Variants in SMIM14 observed in about 807,000 individuals in gnomAD.
The protein encoded by SMIM14 is small integral membrane protein 14.
In SMIM14, 5 loss-of-function variants were observed where a neutral mutation model predicts 12.6. The ratio of observed to expected loss-of-function variants is 0.40; its 90% confidence interval spans 0.21 to 0.83. SMIM14 has a LOEUF of 0.83. SMIM14 is among the 40% of genes least tolerant of loss of function. The probability of loss-of-function intolerance (pLI) is 0.37; values close to 1 mark genes in which losing one functional copy is unlikely to be tolerated. For missense variants in SMIM14, 86 were observed against 119.1 expected (o/e 0.72, Z 1.29); for synonymous variants, 30 against 40.1 (o/e 0.75, Z 0.95).
chr4:39,638,532 C>T, intron 1 of SMIM14: 1 of 985,440 alleles, frequency 1.0e-6, no homozygotes, highest in Non-Finnish European at 1.2e-6. Flanking sequence ...CAATTGCAGG[C>T]TCTTCGCGGG....
chr4:39,589,991 C>A (rs1316489606), intron 2 of SMIM14, among the ~76,000 whole-genome samples: 1 of 140,142 alleles, frequency 7.1e-6, no homozygotes, highest in African/African-American at 2.7e-5. Context: ...CCACTGCACT[C>A]CAGCCTGGGC....
At chr4:39,631,113 C>G (rs1474615737) in intron 1 of SMIM14, among the ~76,000 whole-genome samples, 3 of 151,914 alleles carry the variant, frequency 2.0e-5, no homozygotes, top group African/African-American at 7.3e-5. Flanking sequence ...GGGCAGATCA[C>G]TTGAGGTCAG....
intron 3 of SMIM14, among the ~76,000 whole-genome samples, chr4:39,564,308 T>G (rs1019797335): frequency 6.6e-6 from 1 of 152,208 alleles, no homozygotes; most frequent in Non-Finnish European, 1.5e-5. Flanking sequence ...GTTTTCAAGC[T>G]GAGTCAAGGG....
At position 39,565,148 on chromosome 4, in the gene SMIM14, G is replaced by A. The variant is rs537769533; in HGVS notation, c.124+7267C>T. On this transcript the variant is annotated intron_variant, in intron 3 of 4. Transcript: ENST00000295958. ...TGGGAGGATTGCTTGAGCCCAAGGG[G>A]TTGAGGTTGCAGCAAGCCATGATTG... is the stretch of plus-strand genomic sequence containing the variant. Among the ~76,000 whole-genome samples, 24 of 152,318 alleles carry A rather than the reference G, an allele frequency of 1.6e-4. No homozygotes were observed. In the South Asian group the frequency reaches 4.8e-3, roughly 30 times the overall value.
At chr4:39,604,598 G>A (rs1474561152) in intron 2 of SMIM14, among the ~76,000 whole-genome samples, 1 of 151,544 alleles carries the variant, frequency 6.6e-6, no homozygotes, top group East Asian at 1.9e-4. Flanking sequence ...CATCTCTAAT[G>A]AAATAATTGC....
In SMIM14 at chr4:39,547,787, A is replaced by AAAG. The variant is rs1385929156; in HGVS notation, c.*4336_*4338dup. The AAAG allele has an allele frequency of 5.3e-5, 8 of 152,354 alleles. No homozygotes were observed. The highest frequency in any genetic ancestry group is 1.9e-4 in the African/African-American group (8 of 41,590). 9.4% of individuals were successfully genotyped at this position (152,354 alleles called of 1,614,324 possible). A position where few individuals can be genotyped will look rare whatever the true frequency, so the allele number is the denominator to read the frequency against. The stretch of plus-strand genomic sequence containing the variant: ...CACACCACATACCACAAAAACACTA[A>AAAG]AAGTAGCCATAGAATAGCTGTATTC... On this transcript the variant is annotated 3_prime_UTR_variant, in exon 5 of 5. Transcript: ENST00000295958.
intron 1 of SMIM14, among the ~76,000 whole-genome samples, chr4:39,635,946 G>A (rs1016559077): frequency 6.6e-6 from 1 of 151,970 alleles, no homozygotes; most frequent in African/African-American, 2.4e-5. Flanking sequence ...GCCAAGGTGG[G>A]CAGATCACTT....
chr4:39,613,083 A>G (rs1044162479), intron 1 of SMIM14, among the ~76,000 whole-genome samples: 6 of 152,202 alleles, frequency 3.9e-5, no homozygotes, highest in Admixed American at 2.0e-4. Flanking sequence ...TTTTTAATTC[A>G]TTAAATCAAC....
chr4:39,554,780 T>G (rs1437442856), intron 4 of SMIM14, among the ~76,000 whole-genome samples: 1 of 150,912 alleles, frequency 6.6e-6, no homozygotes, highest in African/African-American at 2.4e-5. Flanking sequence ...TTTTGAAATA[T>G]GTATACATTT....
At chr4:39,584,255 G>T (rs963302216) in intron 2 of SMIM14, among the ~76,000 whole-genome samples, 3 of 151,742 alleles carry the variant, frequency 2.0e-5, no homozygotes, top group Non-Finnish European at 4.4e-5. Context: ...GCCAAGGCAG[G>T]TGGATCAGTT....
chr4:39,594,004 T>A (rs1370828686), intron 2 of SMIM14: 1 of 152,048 alleles, frequency 6.6e-6, no homozygotes, highest in African/African-American at 2.4e-5. Context: ...TTCAATGCCA[T>A]CCCCATCAAG....
At chr4:39,582,542 T>C (rs975535883) in intron 2 of SMIM14, among the ~76,000 whole-genome samples, 6 of 151,686 alleles carry the variant, frequency 4.0e-5, no homozygotes, top group Non-Finnish European at 7.4e-5. Context: ...TGCACGGCTG[T>C]AATCCCAGCT....
intron 1 of SMIM14, among the ~76,000 whole-genome samples, chr4:39,606,409 G>A (rs11941805): frequency 0.36 from 54,592 of 151,462 alleles, 10,123 homozygotes; most frequent in Non-Finnish European, 0.39. Flanking sequence ...TTGGGAGGCC[G>A]AGGTGGGTGG....
At chr4:39,601,087 A>G (rs1016327405) in intron 2 of SMIM14, among the ~76,000 whole-genome samples, 3 of 152,200 alleles carry the variant, frequency 2.0e-5, no homozygotes, top group African/African-American at 7.2e-5. Flanking sequence ...TACATAGTAT[A>G]CTTTATTATT....
intron 2 of SMIM14, among the ~76,000 whole-genome samples, chr4:39,592,498 AC>A (rs1386172658): frequency 6.6e-6 from 1 of 152,124 alleles, no homozygotes; most frequent in Non-Finnish European, 1.5e-5. Context: ...ATGAGAGGAT[AC>A]TTTTCTTCTA....
In SMIM14 at chr4:39,632,774, G is replaced by A. The variant is rs943326136; in HGVS notation, c.-36+5965C>T. On this transcript the variant is annotated intron_variant, in intron 1 of 4. Transcript: ENST00000295958. The stretch of plus-strand genomic sequence containing the variant: ...ACTTGGATGACAGAGTGAGACTCCC[G>A]TCACACACACACACACACACACACA... 1.9e-4 allele frequency among the ~76,000 whole-genome samples: 9 copies of A among 47,820 alleles called. No homozygotes were observed. In the East Asian group the frequency reaches 1.9e-3, roughly 10 times the overall value. The allele number at this position is 47,820 out of a possible 152,430, so 31.4% of individuals were successfully genotyped here. A position where few individuals can be genotyped will look rare whatever the true frequency, so the allele number is the denominator to read the frequency against.
chr4:39,567,704 T>C (rs969648284), intron 3 of SMIM14, among the ~76,000 whole-genome samples: 2 of 151,584 alleles, frequency 1.3e-5, no homozygotes, highest in Non-Finnish European at 2.9e-5. Flanking sequence ...GCCATTGCAC[T>C]CCAGCTTGGG....
intron 1 of SMIM14, among the ~76,000 whole-genome samples, chr4:39,607,515 G>A (rs2110060916): frequency 6.6e-6 from 1 of 152,218 alleles, no homozygotes; most frequent in South Asian, 2.1e-4. Flanking sequence ...AGTAGTTTGG[G>A]AGGCTGAGGC....
rs1402884478 is a variant in SMIM14 at position 39,549,475 on chromosome 4, T to C, written c.*2651A>G. ...TTTTTGTAGGCACGGGGTTTCACCG[T>C]CTTGGCCAGGCTGGTCTCAACCTCC... On this transcript the variant is annotated 3_prime_UTR_variant, in exon 5 of 5. Transcript: ENST00000295958. 6.6e-6 allele frequency: 1 copy of C among 152,106 alleles called. No homozygotes were observed. Among genetic ancestry groups the C allele is most frequent in the African/African-American group, 2.4e-5 (1 of 41,400 alleles). 9.4% of individuals were successfully genotyped at this position (152,106 alleles called of 1,614,324 possible).
Sources: allele counts gnomAD v4.1 joint callset (sites outside exome capture counted in the v4.1 genomes callset), GRCh38; gene constraint gnomAD v4.1.1; transcripts MANE v1.5; gene names NCBI Gene and HGNC (gene_info 2026-07-23, HGNC 2026-07-21).